HHAT: variants seen among roughly 807,000 people sequenced by gnomAD.
The protein encoded by HHAT is protein-cysteine N-palmitoyltransferase HHAT.
A neutral mutation model predicts 70.8 loss-of-function variants in HHAT; 47 were observed. The ratio of observed to expected loss-of-function variants is 0.66; its 90% CI spans 0.53 to 0.85. The LOEUF (loss-of-function observed/expected upper bound fraction) is 0.85, where lower values mean the gene tolerates loss of function less well. HHAT is among the 40% of genes least tolerant of loss of function. The pLI is 0.00. For missense variants in HHAT, 609 were observed against 604.8 expected (o/e 1.01, Z -0.07); for synonymous variants, 228 against 247.6 (o/e 0.92, Z 0.74).
intron 9 of HHAT, among the ~76,000 whole-genome samples, chr1:210,558,466 G>T (rs1195506531): frequency 6.6e-6 from 1 of 152,204 alleles, no homozygotes; most frequent in African/African-American, 2.4e-5. Flanking sequence ...CGCCTGCCAG[G>T]ACTTGCCTTT....
At chr1:210,627,760 T>G (rs2148883504) in intron 11 of HHAT, among the ~76,000 whole-genome samples, 1 of 152,306 alleles carries the variant, frequency 6.6e-6, no homozygotes, top group East Asian at 1.9e-4. Context: ...TCCAAATTTT[T>G]AATATTGAAG....
chr1:210,425,724 T>C (rs995415081), intron 7 of HHAT, among the ~76,000 whole-genome samples: 5 of 152,204 alleles, frequency 3.3e-5, no homozygotes, highest in Non-Finnish European at 7.3e-5. Context: ...ATCAGTATCA[T>C]GCTGTTTTGG....
chr1:210,435,532 T>G (rs1376328763), intron 7 of HHAT, among the ~76,000 whole-genome samples: 1 of 151,812 alleles, frequency 6.6e-6, no homozygotes, highest in Non-Finnish European at 1.5e-5. Context: ...TTTTGTTTTT[T>G]GGGGGCAGTT....
At chr1:210,584,363 G>A (rs148102438) in intron 9 of HHAT, among the ~76,000 whole-genome samples, 44 of 152,108 alleles carry the variant, frequency 2.9e-4, no homozygotes, top group Non-Finnish European at 4.7e-4. Flanking sequence ...AAGAGAAGTC[G>A]TTCTTCATCC....
At chr1:210,553,851 A>C (rs1362544873) in intron 9 of HHAT, among the ~76,000 whole-genome samples, 3 of 151,088 alleles carry the variant, frequency 2.0e-5, no homozygotes, top group South Asian at 2.1e-4. Flanking sequence ...CCGTGGCTCC[A>C]CCCCGAGTGT....
At chr1:210,359,712 C>A (rs898987465) in intron 2 of HHAT, among the ~76,000 whole-genome samples, 6 of 152,064 alleles carry the variant, frequency 3.9e-5, no homozygotes, top group South Asian at 2.1e-4. Flanking sequence ...ACTAAAAATA[C>A]AAAAATTAGC....
chr1:210,672,062 C>T (rs898946781), intron 11 of HHAT, among the ~76,000 whole-genome samples: 11 of 152,210 alleles, frequency 7.2e-5, no homozygotes. Context: ...CTGTGCAAGT[C>T]TTTACATCAT....
intron 4 of HHAT, among the ~76,000 whole-genome samples, chr1:210,394,542 C>T (rs1283551638): frequency 1.3e-5 from 2 of 152,122 alleles, no homozygotes; most frequent in Non-Finnish European, 2.9e-5. Context: ...AAAAATACCC[C>T]CGTGTGAACT....
chr1:210,499,517 T>C (rs2094713908), intron 8 of HHAT, among the ~76,000 whole-genome samples: 1 of 152,120 alleles, frequency 6.6e-6, no homozygotes, highest in Non-Finnish European at 1.5e-5. Flanking sequence ...TGCATGCCTT[T>C]AGTTAGTCCC....
chr1:210,428,609 C>A (rs201463706), intron 7 of HHAT, among the ~76,000 whole-genome samples: 66,459 of 150,812 alleles, frequency 0.44, 15,024 homozygotes, highest in Admixed American at 0.53. Context: ...AACGTTCTAT[C>A]ACCTGGCTTC....
intron 3 of HHAT, among the ~76,000 whole-genome samples, chr1:210,382,305 TTG>T (rs1270852003): frequency 1.3e-5 from 2 of 152,330 alleles, no homozygotes; most frequent in East Asian, 1.9e-4. Context: ...TAGAAAATAA[TTG>T]TCTTTCCCAT....
At chr1:210,414,741 G>C (rs577909244) in intron 6 of HHAT, among the ~76,000 whole-genome samples, 94 of 152,176 alleles carry the variant, frequency 6.2e-4, no homozygotes, top group African/African-American at 2.1e-3. Context: ...AATTTGGCTG[G>C]GTGTGATGGC....
intron 11 of HHAT, among the ~76,000 whole-genome samples, chr1:210,660,724 C>T (rs1203553924): frequency 1.3e-5 from 2 of 152,090 alleles, no homozygotes; most frequent in Non-Finnish European, 2.9e-5. Flanking sequence ...GAGATATAGA[C>T]CAATGGAACA....
At chr1:210,366,048 A>G (rs2088927601) in intron 3 of HHAT, among the ~76,000 whole-genome samples, 1 of 152,028 alleles carries the variant, frequency 6.6e-6, no homozygotes, top group South Asian at 2.1e-4. Context: ...CTTCTGCCTC[A>G]GCCTCTTGAG....
chr1:210,608,797 G>A (rs1255706159), intron 10 of HHAT, among the ~76,000 whole-genome samples: 4 of 152,076 alleles, frequency 2.6e-5, no homozygotes, highest in African/African-American at 9.7e-5. Flanking sequence ...TCTGGTGAGG[G>A]CCCAGTCTCT....
intron 11 of HHAT, among the ~76,000 whole-genome samples, chr1:210,654,551 C>G (rs1479380200): frequency 6.6e-6 from 1 of 152,222 alleles, no homozygotes; most frequent in Admixed American, 6.5e-5. Context: ...ACATCAGATT[C>G]TTTTCTCCCT....
intron 11 of HHAT, among the ~76,000 whole-genome samples, chr1:210,635,565 A>C (rs1049133757): frequency 3.3e-5 from 5 of 152,216 alleles, no homozygotes; most frequent in African/African-American, 1.2e-4. Context: ...GTCGCGCATC[A>C]AAGGACAGAA....
chr1:210,496,646 CTA>C lies in HHAT; in HGVS notation c.1008-16506_1008-16505del, dbSNP rs371968378. 2.6e-5 allele frequency among the ~76,000 whole-genome samples: 4 copies of C among 152,298 alleles called. No homozygotes were observed. The South Asian group carries it at 8.3e-4, about 32-fold the overall frequency. ...TTTAAGAAACACTGCTGTACAGTGT[CTA>C]ATACTGTGCACCATTAGGCAGAGGT... On this transcript the variant is annotated intron_variant, in intron 8 of 11. Transcript: ENST00000261458.
intron 11 of HHAT, among the ~76,000 whole-genome samples, chr1:210,647,240 A>G (rs1674241384): frequency 6.6e-6 from 1 of 152,158 alleles, no homozygotes; most frequent in Admixed American, 6.5e-5. Context: ...TGATGAGGAC[A>G]CCAGTCTTAA....
Sources: gnomAD v4.1 joint callset for allele counts (sites outside exome capture counted in the v4.1 genomes callset) on GRCh38, gnomAD v4.1.1 for gene constraint, MANE v1.5 for transcripts, NCBI Gene and HGNC (gene_info 2026-07-23, HGNC 2026-07-21) for gene names.